CDKL5: variants seen among roughly 807,000 people sequenced by gnomAD.
The protein encoded by CDKL5 is cyclin-dependent kinase-like 5.
Under a neutral mutation model 61.7 loss-of-function variants are expected in CDKL5, and 8 were observed. The observed-to-expected ratio is 0.13, with a 90% CI of 0.08 to 0.23. The LOEUF is 0.23. Ranked by LOEUF, CDKL5 falls within the 10% of genes least tolerant of loss-of-function variation. CDKL5 has a pLI of 1.00. For synonymous variants in CDKL5, 275 were observed against 272.3 expected (o/e 1.01, Z -0.10); for missense variants, 440 against 734.5 (o/e 0.60, Z 4.63).
intron 15 of CDKL5, among the ~76,000 whole-genome samples, chrX:18,615,259 TAGTC>T (rs1215006325): frequency 2.7e-5 from 3 of 112,253 alleles, no homozygotes; most frequent in African/African-American, 9.7e-5. Context: ...GCATCTCACT[TAGTC>T]TGTCATTAGT....
chrX:18,523,344 A>G (rs1923320761), intron 3 of CDKL5, among the ~76,000 whole-genome samples: 1 of 111,089 alleles, frequency 9.0e-6, no homozygotes. Context: ...ATTTTTGCCT[A>G]TTCTAGATAT....
intron 21 of CDKL5, among the ~76,000 whole-genome samples, chrX:18,650,870 G>T (rs1380953039): frequency 8.9e-6 from 1 of 112,302 alleles, no homozygotes; most frequent in Non-Finnish European, 1.9e-5. Flanking sequence ...TCTGTGAAAT[G>T]GGGGCATGAT....
intron 6 of CDKL5, 135 bp downstream of exon 6, chrX:18,580,103 C>T: frequency 1.9e-6 from 1 of 539,859 alleles, no homozygotes; most frequent in South Asian, 3.2e-5. Flanking sequence ...TTTGAAAGTG[C>T]AAGACATGAG....
chrX:18,509,944 G>T (rs896607776), intron 2 of CDKL5, among the ~76,000 whole-genome samples: 2 of 106,673 alleles, frequency 1.9e-5, no homozygotes, highest in Admixed American at 2.0e-4. Context: ...TTGAGGCCAG[G>T]AGTTTGAGAC....
downstream of CDKL5, chrX:18,641,097 G>A (rs1368220596): frequency 3.6e-5 from 4 of 112,652 alleles, no homozygotes; most frequent in Admixed American, 3.7e-4. Context: ...CCTCCTCTGA[G>A]TAGCCAGTGG....
At chrX:18,533,632 C>A (rs747819165) in intron 3 of CDKL5, among the ~76,000 whole-genome samples, 3 of 111,535 alleles carry the variant, frequency 2.7e-5, no homozygotes, top group Admixed American at 9.5e-5. Flanking sequence ...CCTCCAATTC[C>A]CAGATAATGA....
intron 1 of CDKL5, among the ~76,000 whole-genome samples, chrX:18,451,515 A>G (rs1932016982): frequency 9.0e-6 from 1 of 111,158 alleles, no homozygotes; most frequent in African/African-American, 3.3e-5. Flanking sequence ...TTATAGTTTT[A>G]TTCAACCCCT....
Position 18,502,482 on chromosome X carries a change from T to A in CDKL5, c.-162-4453T>A, listed in dbSNP as rs187657873. On this transcript the variant is annotated intron_variant, in intron 1 of 17. Transcript: ENST00000623535. ...TGGAGTGAAGCTAGTCAAGGGAGAG[T>A]CTAGTAGGAGATGATATCAGGAGGG... Among the ~76,000 whole-genome samples, 484 of 110,020 alleles carry A rather than the reference T, an allele frequency of 4.4e-3. 2 individuals carry two copies. The highest frequency in any genetic ancestry group is 0.042 in the Middle Eastern group (9 of 214).
Position 18,650,090 on chromosome X carries a change from T to C in CDKL5, c.2798-320T>C, listed in dbSNP as rs754351188. 5 of 335,305 alleles carry C rather than the reference T, an allele frequency of 1.5e-5. No individual in the cohort carries two copies. In the East Asian group the frequency reaches 3.0e-4, roughly 20 times the overall value. 27.6% of individuals were successfully genotyped at this position (335,305 alleles called of 1,213,427 possible). A position where few individuals can be genotyped will look rare whatever the true frequency, so the allele number is the denominator to read the frequency against. On this transcript the variant is annotated intron_variant, in intron 20 of 21. Coordinates refer to the CDKL5 transcript ENST00000379989. ...CCTTATTCTTGGCACTTTGCTCTTC[T>C]TCATCTGTTTCCCCTTCACATCTCT...
At chrX:18,462,078 G>A (rs1201234461) in intron 1 of CDKL5, among the ~76,000 whole-genome samples, 3 of 105,691 alleles carry the variant, frequency 2.8e-5, no homozygotes, top group Non-Finnish European at 5.8e-5. Context: ...TTTTTTTTGC[G>A]GTTTTTTTTT....
At position 18,556,947 on chromosome X, in the gene CDKL5, G is replaced by A. The variant is rs372496427; in HGVS notation, c.100-7530G>A. ...GATCTTAGCCAGAAGGCTGAGAAGC[G>A]ATAAAGTAGTAATTTCTGTGTTTGT... On this transcript the variant is annotated intron_variant, in intron 3 of 17. Transcript: ENST00000623535. Among the ~76,000 whole-genome samples the A allele has an allele frequency of 1.4e-4, 15 of 108,878 alleles. No homozygotes were observed. In the East Asian group the frequency reaches 3.4e-3, roughly 25 times the overall value. 94.5% of individuals were successfully genotyped at this position (108,878 alleles called of 115,157 possible). A position where few individuals can be genotyped will look rare whatever the true frequency, so the allele number is the denominator to read the frequency against.
chrX:18,540,683 C>A (rs1923990136), intron 3 of CDKL5, among the ~76,000 whole-genome samples: 1 of 108,202 alleles, frequency 9.2e-6, no homozygotes, highest in Non-Finnish European at 1.9e-5. Flanking sequence ...TCCCCTTCCC[C>A]TTCCCCTTCC....
In CDKL5 at chrX:18,633,971, A is replaced by G; in HGVS notation, c.*5214A>G. The G allele has an allele frequency of 2.7e-6, 2 of 754,417 alleles. No individual in the cohort carries two copies. Among genetic ancestry groups the G allele is most frequent in the Non-Finnish European group, 3.1e-6 (2 of 639,433 alleles). 62.2% of individuals were successfully genotyped at this position (754,417 alleles called of 1,213,427 possible). On this transcript the variant is annotated 3_prime_UTR_variant, in exon 18 of 18. Transcript: ENST00000623535. ...GAAGTTTGTCTCATTTTGCCAGAAA[A>G]AAATTGTAATAGTCGGCACGCTGGA...
chrX:18,446,226 C>T (rs904670990), intron 1 of CDKL5, among the ~76,000 whole-genome samples: 4 of 106,599 alleles, frequency 3.8e-5, no homozygotes, highest in Non-Finnish European at 5.8e-5. Flanking sequence ...GGATGGTGGG[C>T]GGGCACCTGT....
At chrX:18,482,526 G>A (rs894170509) in intron 1 of CDKL5, among the ~76,000 whole-genome samples, 3 of 111,230 alleles carry the variant, frequency 2.7e-5, no homozygotes, top group Admixed American at 9.6e-5. Context: ...TTTTGTGTGT[G>A]TATTGTTTCT....
At chrX:18,591,025 A>G (rs1158586397) in intron 9 of CDKL5, among the ~76,000 whole-genome samples, 1 of 110,037 alleles carries the variant, frequency 9.1e-6, no homozygotes, top group Non-Finnish European at 1.9e-5. Context: ...AGTTTCATCA[A>G]CTTGGGACCC....
chrX:18,564,893 A>G (rs1017636837), intron 4 of CDKL5, among the ~76,000 whole-genome samples: 2 of 112,040 alleles, frequency 1.8e-5, no homozygotes, highest in South Asian at 7.4e-4. Context: ...CTGTGGGTCC[A>G]CATAAATAGC....
chrX:18,494,070 T>C (rs1242232454), intron 1 of CDKL5, among the ~76,000 whole-genome samples: 4 of 110,488 alleles, frequency 3.6e-5, no homozygotes, highest in Non-Finnish European at 5.7e-5. Flanking sequence ...GACTCAGGCA[T>C]GCACCACCAC....
chrX:18,518,597 C>T (rs76273914), intron 3 of CDKL5, among the ~76,000 whole-genome samples: 5 of 106,091 alleles, frequency 4.7e-5, no homozygotes, highest in Admixed American at 1.0e-4. Context: ...GTAGAGATGG[C>T]GTTTTACCAT....
Sources: allele counts gnomAD v4.1 joint callset (sites outside exome capture counted in the v4.1 genomes callset), GRCh38; gene constraint gnomAD v4.1.1; transcripts MANE v1.5; gene names NCBI Gene and HGNC (gene_info 2026-07-23, HGNC 2026-07-21).